The following DNAJB1 variants were observed in gnomAD, a reference collection of about 807,000 sequenced individuals.
DNAJB1 encodes the protein dnaJ homolog subfamily B member 1.
A neutral mutation model predicts 24.0 loss-of-function variants in DNAJB1; 14 were observed. The ratio of observed to expected loss-of-function variants is 0.58; its 90% CI spans 0.39 to 0.91. The LOEUF (loss-of-function observed/expected upper bound fraction) is 0.91, where lower values mean the gene tolerates loss of function less well. DNAJB1 is among the 40% of genes least tolerant of loss of function. The pLI is 0.00. For missense variants in DNAJB1, 517 were observed against 458.1 expected (o/e 1.13, Z -1.17); for synonymous variants, 262 against 174.4 (o/e 1.50, Z -3.96).
intron 1 of DNAJB1, among the ~76,000 whole-genome samples, chr19:14,555,472 G>A (rs1278149894): frequency 2.8e-4 from 34 of 120,674 alleles, no homozygotes; most frequent in Admixed American, 2.6e-3. Flanking sequence ...TTTAGACAGA[G>A]CCTCACTCTA....
Position 14,515,416 on chromosome 19 carries a change from G to A in DNAJB1, c.*524C>T, listed in dbSNP as rs1305909436. The A allele has an allele frequency of 6.5e-6, 1 of 154,068 alleles. No individual in the cohort carries two copies. The highest frequency in any genetic ancestry group is 2.4e-5 in the African/African-American group (1 of 41,460). The allele number at this position is 154,068 out of a possible 1,614,324, so 9.5% of individuals were successfully genotyped here. A position where few individuals can be genotyped will look rare whatever the true frequency, so the allele number is the denominator to read the frequency against. On this transcript the variant is annotated 3_prime_UTR_variant, in exon 3 of 3. Coordinates refer to ENST00000254322, the MANE Select transcript of DNAJB1 (RefSeq NM_006145.3). ...GGACGCCAACCAGGCAGTTCTGCAG[G>A]AATAGTTTAGGTTCTCAATTTGAGA...
upstream of DNAJB1, chr19:14,518,425 A>G (rs1599382377): frequency 8.3e-7 from 1 of 1,206,770 alleles, no homozygotes; most frequent in East Asian, 3.0e-5. Flanking sequence ...GACTCTATAT[A>G]CCCGTCCGGC....
intron 1 of DNAJB1, among the ~76,000 whole-genome samples, chr19:14,543,674 G>A (rs1204985498): frequency 6.7e-6 from 1 of 149,116 alleles, no homozygotes; most frequent in Non-Finnish European, 1.5e-5. Context: ...TCCTGACCTC[G>A]TGATCCTCCC....
Position 14,516,802 on chromosome 19 carries a change from G to A in DNAJB1, c.456C>T (p.Ala152=). The change falls in exon 2 of 3, where the codon GCC becomes GCT. Residue 152 remains alanine (A), a synonymous_variant. Coordinates refer to ENST00000254322, the MANE Select transcript of DNAJB1 (RefSeq NM_006145.3). ...CTTGCTTCTTTCGGGCGGGCTCTTG[G>A]GCAGAGCGGGAGCGGCCAAAGTTCA... ...TNVNFGRSRS[A]QEPARKKQDP... 1 of 1,613,846 alleles carries A rather than the reference G, an allele frequency of 6.2e-7. No homozygotes were observed. Among genetic ancestry groups the A allele is most frequent in the East Asian group, 2.2e-5 (1 of 44,886 alleles).
At chr19:14,517,947 G>A (rs1329409973) in intron 1 of DNAJB1, 192 bp downstream of exon 1, 2 of 513,222 alleles carry the variant, frequency 3.9e-6, no homozygotes, top group Non-Finnish European at 6.3e-6. Flanking sequence ...TGGCCGAGCG[G>A]CTGGGCCAAG....
upstream of DNAJB1, among the ~76,000 whole-genome samples, chr19:14,520,015 T>C (rs979404625): frequency 3.9e-5 from 6 of 152,130 alleles, no homozygotes; most frequent in Admixed American, 3.9e-4. Context: ...TGGGCTTCAT[T>C]CCCAGCTCCA....
intron 1 of DNAJB1, among the ~76,000 whole-genome samples, chr19:14,528,486 C>A (rs922587718): frequency 6.6e-6 from 1 of 151,012 alleles, no homozygotes; most frequent in Non-Finnish European, 1.5e-5. Flanking sequence ...GATCTGCCCC[C>A]CTCGGCCTCC....
chr19:14,544,201 CT>C (rs1439583498), intron 1 of DNAJB1, among the ~76,000 whole-genome samples: 1 of 151,946 alleles, frequency 6.6e-6, no homozygotes, highest in East Asian at 1.9e-4. Flanking sequence ...GCCTCTGCCC[CT>C]GACTCACCCA....
Position 14,516,051 on chromosome 19 carries a change from G to A in DNAJB1, c.912C>T (p.Leu304=). ...CCCCACGTTTCTCGGGTGTTTTGGG[G>A]AGGGGGAGGCCTTCTCCAGGAACTT... ...RRKVPGEGLP[L]PKTPEKRGDL... The change falls in exon 3 of 3, where the codon CTC becomes CTT. Residue 304 remains leucine (L), a synonymous_variant. Transcript: ENST00000254322. 1 of 1,613,426 alleles carries A rather than the reference G, an allele frequency of 6.2e-7. No individual in the cohort carries two copies. Among genetic ancestry groups the A allele is most frequent in the Non-Finnish European group, 8.5e-7 (1 of 1,179,770 alleles).
At chr19:14,544,047 G>GT (rs2073218366) in intron 1 of DNAJB1, among the ~76,000 whole-genome samples, 2 of 152,074 alleles carry the variant, frequency 1.3e-5, no homozygotes, top group African/African-American at 4.8e-5. Context: ...CTGGAGAATA[G>GT]TTTAACAAAA....
intron 1 of DNAJB1, among the ~76,000 whole-genome samples, chr19:14,538,041 G>T (rs777755612): frequency 6.6e-6 from 1 of 152,058 alleles, no homozygotes; most frequent in East Asian, 1.9e-4. Flanking sequence ...CCACTGCGCC[G>T]GCAGTGTGAG....
chr19:14,531,089 C>A (rs905584323), upstream of DNAJB1: 2 of 152,118 alleles, frequency 1.3e-5, no homozygotes, highest in African/African-American at 2.4e-5. Context: ...GGCTGGAGTG[C>A]AATGGCGCGA....
At chr19:14,549,832 A>G (rs1599459314) in intron 1 of DNAJB1, among the ~76,000 whole-genome samples, 2 of 151,926 alleles carry the variant, frequency 1.3e-5, no homozygotes, top group South Asian at 2.1e-4. Context: ...AATCCCAGCT[A>G]CTCAGGAGGC....
upstream of DNAJB1, chr19:14,532,434 T>C (rs1440902787): frequency 1.4e-5 from 2 of 146,104 alleles, no homozygotes; most frequent in African/African-American, 5.1e-5. Context: ...TAATCTCAGC[T>C]ACTTGGAGGC....
intron 2 of DNAJB1, among the ~76,000 whole-genome samples, chr19:14,524,845 C>CAA (rs71166750): frequency 8.9e-6 from 1 of 112,198 alleles, no homozygotes; most frequent in African/African-American, 4.1e-5. Flanking sequence ...GACTCGTTCT[C>CAA]AAAAAAAAAA....
chr19:14,529,527 C>A (rs554883325), upstream of DNAJB1: 4 of 868,632 alleles, frequency 4.6e-6, no homozygotes, highest in Non-Finnish European at 3.8e-6. Context: ...CGAACGTGGG[C>A]GCCTCGTGCC....
Position 14,514,978 on chromosome 19 carries a change from G to A in DNAJB1, c.*962C>T, listed in dbSNP as rs7003. 23,596 of 152,430 alleles carry A rather than the reference G, an allele frequency of 0.15. 2,000 individuals carry two copies. Among genetic ancestry groups the A allele is most frequent in the African/African-American group, 0.22 (8,943 of 41,446 alleles). 9.4% of individuals were successfully genotyped at this position (152,430 alleles called of 1,614,324 possible). A position where few individuals can be genotyped will look rare whatever the true frequency, so the allele number is the denominator to read the frequency against. On this transcript the variant is annotated 3_prime_UTR_variant, in exon 3 of 3. Coordinates refer to ENST00000254322, the MANE Select transcript of DNAJB1 (RefSeq NM_006145.3). ...CCCTATACAGAGAGCACTGGCTGCC[G>A]GGGACAGGTTTTGAGTGTACACCAA... is the stretch of plus-strand genomic sequence containing the variant.
At chr19:14,542,340 C>A (rs945138606) in intron 1 of DNAJB1, among the ~76,000 whole-genome samples, 6 of 95,780 alleles carry the variant, frequency 6.3e-5, no homozygotes, top group Admixed American at 2.1e-4. Flanking sequence ...GGCCCTCATG[C>A]CATAGTGTTT....
chr19:14,551,499 G>A (rs969410970), upstream of DNAJB1, among the ~76,000 whole-genome samples: 2 of 152,184 alleles, frequency 1.3e-5, no homozygotes, highest in Admixed American at 6.5e-5. Context: ...AGTTGGAGAA[G>A]CAGACAGGCA....
Sources: allele counts gnomAD v4.1 joint callset (sites outside exome capture counted in the v4.1 genomes callset), GRCh38; gene constraint gnomAD v4.1.1; transcripts MANE v1.5; gene names NCBI Gene and HGNC (gene_info 2026-07-23, HGNC 2026-07-21).